Variants in CHIT1 observed in about 807,000 individuals in gnomAD.
The protein encoded by CHIT1 is chitotriosidase-1.
Under a neutral mutation model 52.0 loss-of-function variants are expected in CHIT1, and 47 were observed. That is an observed-to-expected ratio of 0.90 (90% CI 0.71 to 1.15). The LOEUF is 1.15. Among genes scored for constraint, CHIT1 ranks in the 50% most tolerant of loss-of-function variants. The pLI is 0.00. For missense variants in CHIT1, 569 were observed against 583.0 expected, an observed-to-expected ratio of 0.98 and a Z score of 0.25; for synonymous variants, 242 against 228.2, an observed-to-expected ratio of 1.06 and a Z score of -0.54.
chr1:203,228,297 A>G (rs1656999758), intron 2 of CHIT1, among the ~76,000 whole-genome samples: 1 of 152,362 alleles, frequency 6.6e-6, no homozygotes, highest in Non-Finnish European at 1.5e-5. Context: ...GCCCTGAAAG[A>G]GGCTGATGCG....
chr1:203,229,629 C>G lies in CHIT1; in HGVS notation c.8G>C (p.Arg3Pro), dbSNP rs146105561. The change falls in exon 1 of 11, where the codon CGG becomes CCG. Residue 3 changes from arginine to proline, a missense_variant. Physicochemically the swap from Arg to Pro is moderately radical, Grantham distance 103. Coordinates refer to ENST00000367229, the MANE Select transcript of CHIT1 (RefSeq NM_003465.3). Reference sequence around the variant, plus strand: ...CGGCTCACCTGCCCAGGCCACAGACCGCACCATGATGCAGCTCAGCGGCAG... The same window carrying G: ...CGGCTCACCTGCCCAGGCCACAGACGGCACCATGATGCAGCTCAGCGGCAG... MV[R>P]SVAWAGFMVL... The G allele has an allele frequency of 5.8e-5, 93 of 1,613,988 alleles. No individual in the cohort carries two copies. In the Middle Eastern group the frequency reaches 8.2e-4, roughly 14 times the overall value.
upstream of CHIT1, chr1:203,230,041 G>C: frequency 3.5e-6 from 1 of 287,488 alleles, no homozygotes. Context: ...TTCCAGACCA[G>C]CTCTCTTGCT....
At position 203,227,314 on chromosome 1, in the gene CHIT1, C is replaced by T. The variant is rs1656962315; in HGVS notation, c.55+1219G>A. Among the ~76,000 whole-genome samples, 3 of 152,050 alleles carry T rather than the reference C, an allele frequency of 2.0e-5. No homozygotes were observed. In the South Asian group the frequency reaches 6.2e-4, roughly 32 times the overall value. ...ATGATACAGGAGAATTGGTGAACTC[C>T]CCAAAGGAAAAGAAAGGAAGGAGGG... On this transcript the variant is annotated intron_variant, in intron 2 of 10. Transcript: ENST00000367229.
Position 203,229,659 on chromosome 1 carries a change from C to T in CHIT1, c.-23G>A, listed in dbSNP as rs958369656. 3 of 1,613,702 alleles carry T rather than the reference C, an allele frequency of 1.9e-6. No individual in the cohort carries two copies. The highest frequency in any genetic ancestry group is 2.5e-6 in the Non-Finnish European group (3 of 1,179,868). On this transcript the variant is annotated 5_prime_UTR_variant, in exon 1 of 11. Coordinates refer to ENST00000367229, the MANE Select transcript of CHIT1 (RefSeq NM_003465.3). ...CATGATGCAGCTCAGCGGCAGGCTG[C>T]AGCCCATACAAACCAGCTTTCCAGG...
chr1:203,220,078 C>T (rs757167967), intron 7 of CHIT1, among the ~76,000 whole-genome samples: 4 of 152,130 alleles, frequency 2.6e-5, no homozygotes, highest in Admixed American at 1.3e-4. Flanking sequence ...GGGCTTCGGA[C>T]GCAGACAACC....
chr1:203,219,747 C>T lies in CHIT1; in HGVS notation c.832G>A (p.Asp278Asn). The T allele has an allele frequency of 6.2e-7, 1 of 1,613,962 alleles. No individual in the cohort carries two copies. Among genetic ancestry groups the T allele is most frequent in the South Asian group, 1.1e-5 (1 of 91,068 alleles). Residue 278 changes from aspartate (D) to asparagine (N), a missense_variant, in exon 8 of 11, where the codon GAC becomes AAC. Physicochemically the swap from Asp to Asn is conservative, Grantham distance 23 (BLOSUM62 1). Coordinates refer to ENST00000367229, the MANE Select transcript of CHIT1 (RefSeq NM_003465.3). ...GRSFTLASSS[D>N]TRVGAPATGS... Reference sequence around the variant, plus strand: ...GTGGCTGGGGCCCCCACTCTGGTGTCTGATGAGGAGGCCAGTGTGAAGGAG... The same window carrying T: ...GTGGCTGGGGCCCCCACTCTGGTGTTTGATGAGGAGGCCAGTGTGAAGGAG...
At chr1:203,227,821 C>T (rs771909676) in intron 2 of CHIT1, among the ~76,000 whole-genome samples, 8 of 152,194 alleles carry the variant, frequency 5.3e-5, no homozygotes, top group Non-Finnish European at 7.3e-5. Context: ...TCTGTGCCCC[C>T]GGCTGTTCCA....
In CHIT1 at chr1:203,223,366, G is replaced by A. The variant is rs1330001013; in HGVS notation, c.481-107C>T. On this transcript the variant is annotated intron_variant, in intron 5 of 10. Coordinates refer to ENST00000367229, the MANE Select transcript of CHIT1 (RefSeq NM_003465.3). ...GTAGAAGTCTGAGAGCTGGCCACAG[G>A]GCTGATCTGTGCCATGCAGATACGT... is the stretch of plus-strand genomic sequence containing the variant. 5 of 1,603,290 alleles carry A rather than the reference G, an allele frequency of 3.1e-6. No individual in the cohort carries two copies. The East Asian group carries it at 1.1e-4, about 36-fold the overall frequency.
intron 1 of CHIT1, among the ~76,000 whole-genome samples, chr1:203,229,281 A>T (rs1472782684): frequency 6.6e-6 from 1 of 152,184 alleles, no homozygotes; most frequent in Non-Finnish European, 1.5e-5. Context: ...GGGACCTAAG[A>T]ACATGGGAAA....
intron 2 of CHIT1, among the ~76,000 whole-genome samples, 172 bp downstream of exon 2, chr1:203,228,361 G>A (rs1285683982): frequency 6.6e-6 from 1 of 152,248 alleles, no homozygotes; most frequent in African/African-American, 2.4e-5. Context: ...GGAGGCAAGA[G>A]CCTTCCTGGG....
At position 203,223,629 on chromosome 1, in the gene CHIT1, G is replaced by C; in HGVS notation, c.346C>G (p.Arg116Gly). ...FTDMVATANN[R>G]QTFVNSAIRF... ...ATGGCCGAGTTGACAAAGGTCTGAC[G>C]GTTGTTGGCCGTGGCTACCATATCT... is the stretch of plus-strand genomic sequence containing the variant. The change falls in exon 5 of 11, where the codon CGT becomes GGT. Residue 116 changes from arginine (R) to glycine (G), a missense_variant. By Grantham distance (125) the Arg-to-Gly change is moderately radical. Transcript: ENST00000367229. 1 of 1,614,222 alleles carries C rather than the reference G, an allele frequency of 6.2e-7. No individual in the cohort carries two copies. Among genetic ancestry groups the C allele is most frequent in the South Asian group, 1.1e-5 (1 of 91,086 alleles).
chr1:203,225,239 T>C (rs942862949), intron 3 of CHIT1, 135 bp from the exon 4 acceptor site: 1 of 780,492 alleles, frequency 1.3e-6, no homozygotes, highest in Admixed American at 2.0e-5. Context: ...GTATTAGGCA[T>C]TCTGGGGACA....
intron 8 of CHIT1, 73 bp from the exon 9 acceptor site, chr1:203,219,402 G>T (rs146653608): frequency 2.1e-5 from 20 of 969,582 alleles, no homozygotes; most frequent in Admixed American, 6.8e-5. Context: ...CTCACCAGGA[G>T]GAGACTAGAG....
At chr1:203,229,762 A>T (rs11809805), upstream of CHIT1, 62 of 945,790 alleles carry the variant, frequency 6.6e-5, no homozygotes, top group Non-Finnish European at 8.2e-5. Context: ...GGTGGGGGGG[A>T]TGGGAGCAGG....
chr1:203,228,332 G>C (rs980809581), intron 2 of CHIT1, among the ~76,000 whole-genome samples: 6 of 152,216 alleles, frequency 3.9e-5, no homozygotes, highest in African/African-American at 1.2e-4. Flanking sequence ...AGATGTGCAG[G>C]AGCTCAGCTA....
At chr1:203,224,630 C>G (rs569156819) in intron 4 of CHIT1, among the ~76,000 whole-genome samples, 2 of 152,280 alleles carry the variant, frequency 1.3e-5, no homozygotes, top group Middle Eastern at 3.4e-3. Context: ...CTCAATCTCA[C>G]AGATTACCTT....
At chr1:203,225,191 G>A (rs1656880206) in intron 3 of CHIT1, 87 bp from the exon 4 acceptor site, 2 of 1,260,948 alleles carry the variant, frequency 1.6e-6, no homozygotes, top group East Asian at 4.6e-5. Context: ...AGGAACAACA[G>A]GGGTGGGGAC....
At chr1:203,229,760 GGA>G, upstream of CHIT1, 16 of 1,165,190 alleles carry the variant, frequency 1.4e-5, no homozygotes, top group Non-Finnish European at 1.8e-5. Flanking sequence ...TGGGTGGGGG[GGA>G]TGGGAGCAGG....
At chr1:203,226,813 A>C (rs1467194925) in intron 2 of CHIT1, among the ~76,000 whole-genome samples, 1 of 152,140 alleles carries the variant, frequency 6.6e-6, no homozygotes, top group Non-Finnish European at 1.5e-5. Context: ...GGAAGCAAGA[A>C]TGCTAGTCTT....
Sources: allele counts gnomAD v4.1 joint callset (sites outside exome capture counted in the v4.1 genomes callset), GRCh38; gene constraint gnomAD v4.1.1; transcripts MANE v1.5; gene names NCBI Gene and HGNC (gene_info 2026-07-23, HGNC 2026-07-21).